The following NCOA1 variants were observed in gnomAD, a reference collection of about 807,000 sequenced individuals.
NCOA1 encodes the protein Hin-2 protein.
A neutral mutation model predicts 150.9 loss-of-function variants in NCOA1; 35 were observed. That is an observed-to-expected ratio of 0.23 (90% CI 0.18 to 0.31). NCOA1 has a LOEUF of 0.31. Among genes scored for constraint, NCOA1 ranks in the 10% least tolerant of loss-of-function variants. The pLI is 1.00. For missense variants in NCOA1, 1,491 were observed against 1,749.3 expected (o/e 0.85, Z 2.63); for synonymous variants, 590 against 630.0 (o/e 0.94, Z 0.95).
chr2:24,502,522 T>A (rs1663507947), intron 1 of NCOA1, among the ~76,000 whole-genome samples: 1 of 152,214 alleles, frequency 6.6e-6, no homozygotes, highest in South Asian at 2.1e-4. Context: ...TTAATGGTAC[T>A]GTTTTGCTCA....
At chr2:24,728,184 A>G in intron 15 of NCOA1, 124 bp from the exon 16 acceptor site, 1 of 667,194 alleles carries the variant, frequency 1.5e-6, no homozygotes, top group Non-Finnish European at 2.4e-6. Context: ...CCATGGCATT[A>G]GAATTGCCAA....
chr2:24,493,990 T>C (rs1663088527), intron 1 of NCOA1, among the ~76,000 whole-genome samples: 1 of 152,256 alleles, frequency 6.6e-6, no homozygotes, highest in African/African-American at 2.4e-5. Context: ...ATTGTGAAAG[T>C]GCTGGCAACA....
chr2:24,745,157 CTT>C (rs201221705), intron 19 of NCOA1, among the ~76,000 whole-genome samples: 4 of 131,662 alleles, frequency 3.0e-5, no homozygotes, highest in Non-Finnish European at 6.5e-5. Context: ...TTTCTTTTTT[CTT>C]TTTTTTTTTT....
At chr2:24,729,923 G>A in intron 17 of NCOA1, 108 bp downstream of exon 17, 1 of 1,182,264 alleles carries the variant, frequency 8.5e-7, no homozygotes, top group Non-Finnish European at 1.2e-6. Context: ...TCAGCCCACT[G>A]CAACCGCCGC....
intron 1 of NCOA1, among the ~76,000 whole-genome samples, chr2:24,546,924 A>G (rs1224147713): frequency 6.6e-6 from 1 of 152,210 alleles, no homozygotes; most frequent in Non-Finnish European, 1.5e-5. Flanking sequence ...AGTAAGGGGA[A>G]GCTACCAGTC....
intron 3 of NCOA1, among the ~76,000 whole-genome samples, chr2:24,613,718 C>T (rs1665520191): frequency 6.6e-6 from 1 of 152,090 alleles, no homozygotes; most frequent in African/African-American, 2.4e-5. Context: ...CCTCTGACTG[C>T]CTGAAGCTAT....
At chr2:24,654,352 T>C (rs913893590) in intron 4 of NCOA1, among the ~76,000 whole-genome samples, 4 of 152,160 alleles carry the variant, frequency 2.6e-5, no homozygotes, top group Non-Finnish European at 5.9e-5. Context: ...CCATAGAAGG[T>C]TTAATAAATT....
At chr2:24,557,575 C>T (rs1400472012) in intron 1 of NCOA1, among the ~76,000 whole-genome samples, 1 of 150,876 alleles carries the variant, frequency 6.6e-6, no homozygotes, top group Non-Finnish European at 1.5e-5. Flanking sequence ...TTGGTAGATC[C>T]AGATTTTTAC....
intron 7 of NCOA1, among the ~76,000 whole-genome samples, chr2:24,675,432 T>C (rs1460920656): frequency 2.0e-5 from 3 of 152,246 alleles, no homozygotes; most frequent in Non-Finnish European, 2.9e-5. Flanking sequence ...ACTCCTGCTA[T>C]GTTTAGCTTT....
At chr2:24,747,303 A>G (rs1663975480) in intron 19 of NCOA1, among the ~76,000 whole-genome samples, 1 of 146,024 alleles carries the variant, frequency 6.8e-6, no homozygotes, top group Non-Finnish European at 1.5e-5. Context: ...TTTCCCGCTC[A>G]CATATTTTTA....
intron 4 of NCOA1, among the ~76,000 whole-genome samples, chr2:24,653,160 C>T (rs1256703296): frequency 6.6e-6 from 1 of 152,124 alleles, no homozygotes; most frequent in East Asian, 1.9e-4. Flanking sequence ...AAGGGTAGTA[C>T]ATATGGGAAT....
At chr2:24,635,561 CAA>C (rs1191300232) in intron 3 of NCOA1, among the ~76,000 whole-genome samples, 1 of 152,172 alleles carries the variant, frequency 6.6e-6, no homozygotes, top group Non-Finnish European at 1.5e-5. Flanking sequence ...GTAAAGTACA[CAA>C]ATGATTTTTG....
chr2:24,630,300 A>G (rs1669648874), intron 3 of NCOA1, among the ~76,000 whole-genome samples: 1 of 152,204 alleles, frequency 6.6e-6, no homozygotes, highest in African/African-American at 2.4e-5. Context: ...TCTTAATGCT[A>G]TACTGTCTTG....
At chr2:24,590,960 T>A (rs1265813899) in intron 3 of NCOA1, among the ~76,000 whole-genome samples, 1 of 152,202 alleles carries the variant, frequency 6.6e-6, no homozygotes, top group South Asian at 2.1e-4. Flanking sequence ...ACGATTTTGC[T>A]TACTACTGTA....
At chr2:24,676,855 C>T (rs1261974439) in intron 7 of NCOA1, among the ~76,000 whole-genome samples, 4 of 152,026 alleles carry the variant, frequency 2.6e-5, no homozygotes, top group African/African-American at 4.8e-5. Context: ...ATGACAGAAT[C>T]GACCAAGCTG....
intron 8 of NCOA1, among the ~76,000 whole-genome samples, chr2:24,687,974 T>A (rs1381236774): frequency 1.3e-5 from 2 of 152,228 alleles, no homozygotes; most frequent in East Asian, 3.8e-4. Context: ...TCTCATCATT[T>A]AGCTCACACT....
At chr2:24,621,803 G>A (rs183991996) in intron 3 of NCOA1, among the ~76,000 whole-genome samples, 30 of 152,166 alleles carry the variant, frequency 2.0e-4, no homozygotes, top group East Asian at 1.2e-3. Context: ...TCTAAGCAGC[G>A]CTCATGAATT....
chr2:24,509,233 AT>A (rs770961869), intron 1 of NCOA1, among the ~76,000 whole-genome samples: 22 of 152,172 alleles, frequency 1.4e-4, no homozygotes, highest in Non-Finnish European at 2.8e-4. Flanking sequence ...TATCATATTT[AT>A]TTTTGCAGTT....
chr2:24,642,765 C>T (rs1266611127), intron 3 of NCOA1, among the ~76,000 whole-genome samples: 1 of 152,086 alleles, frequency 6.6e-6, no homozygotes, highest in African/African-American at 2.4e-5. Context: ...AAAACTGTGG[C>T]ACAACTGTAC....
Sources: gnomAD v4.1 joint callset for allele counts (sites outside exome capture counted in the v4.1 genomes callset) on GRCh38, gnomAD v4.1.1 for gene constraint, MANE v1.5 for transcripts, NCBI Gene and HGNC (gene_info 2026-07-23, HGNC 2026-07-21) for gene names.